CHST15: variants seen among roughly 807,000 people sequenced by gnomAD.
CHST15 encodes the protein carbohydrate sulfotransferase 15.
CHST15 carries 30 observed loss-of-function variants against 53.6 expected under a neutral mutation model. The observed-to-expected ratio is 0.56, with a 90% CI of 0.42 to 0.76. The LOEUF (loss-of-function observed/expected upper bound fraction) is 0.76, where lower values mean the gene tolerates loss of function less well. Ranked by LOEUF, CHST15 falls within the 30% of genes least tolerant of loss-of-function variation. CHST15 has a pLI of 0.00. For missense variants in CHST15, 627 were observed against 740.5 expected, an observed-to-expected ratio of 0.85 and a Z score of 1.78; for synonymous variants, 296 against 289.8, an observed-to-expected ratio of 1.02 and a Z score of -0.22.
At chr10:124,089,192 G>C (rs770062286) in intron 1 of CHST15, among the ~76,000 whole-genome samples, 2 of 152,146 alleles carry the variant, frequency 1.3e-5, no homozygotes, top group Non-Finnish European at 2.9e-5. Context: ...GGGAGGCTGC[G>C]TGATTCTCAC....
intron 5 of CHST15, among the ~76,000 whole-genome samples, chr10:124,022,655 T>C (rs1346919047): frequency 1.3e-5 from 2 of 152,090 alleles, no homozygotes; most frequent in Admixed American, 1.3e-4. Flanking sequence ...ATCAGGTTCC[T>C]AGTCCACCAC....
At chr10:124,030,032 G>A (rs1475532032) in intron 5 of CHST15, among the ~76,000 whole-genome samples, 2 of 152,200 alleles carry the variant, frequency 1.3e-5, no homozygotes, top group African/African-American at 4.8e-5. Context: ...GAATACACAG[G>A]ACTGCCAAGG....
intron 1 of CHST15, among the ~76,000 whole-genome samples, chr10:124,087,781 G>A (rs568043320): frequency 1.4e-4 from 20 of 141,358 alleles, no homozygotes; most frequent in Non-Finnish European, 2.6e-4. Flanking sequence ...ATTCACAAGC[G>A]AGCTACACCA....
intron 7 of CHST15, chr10:124,011,103 T>C (rs965775017): frequency 2.0e-6 from 2 of 982,626 alleles, no homozygotes; most frequent in African/African-American, 3.5e-5. Flanking sequence ...CGCCCCGCCC[T>C]CTGGAGTGAG....
At chr10:124,070,556 A>G (rs551322952) in intron 1 of CHST15, among the ~76,000 whole-genome samples, 6 of 151,858 alleles carry the variant, frequency 4.0e-5, no homozygotes, top group African/African-American at 1.4e-4. Context: ...TTTTTTTTTT[A>G]AATAGAAACG....
Position 124,019,857 on chromosome 10 carries a change from C to T in CHST15, c.1347+1399G>A, listed in dbSNP as rs1054006129. The T allele has an allele frequency of 9.1e-6, 9 of 985,888 alleles. No individual in the cohort carries two copies. In the African/African-American group the frequency reaches 1.4e-4, roughly 15 times the overall value. 61.1% of individuals were successfully genotyped at this position (985,888 alleles called of 1,614,324 possible). ...GCACCCAAGCCCCCTGCCTCAGTGC[C>T]CCCCATCTCCCACACCAGGCGGCTG... On this transcript the variant is annotated intron_variant, in intron 6 of 7. Coordinates refer to ENST00000435907, the MANE Select transcript of CHST15 (RefSeq NM_001270764.2). This position sits in a 1 kb window ranked among gnomAD's most constrained non-coding sequence, Gnocchi z 4.6.
At chr10:124,076,710 AT>A (rs11318249) in intron 1 of CHST15, among the ~76,000 whole-genome samples, 49,688 of 137,500 alleles carry the variant, frequency 0.36, 8,442 homozygotes, top group African/African-American at 0.51. Context: ...TAAATTCTTA[AT>A]TTTTTTTTTT....
intron 1 of CHST15, among the ~76,000 whole-genome samples, chr10:124,058,391 T>A (rs1361581235): frequency 6.6e-6 from 1 of 152,308 alleles, no homozygotes; most frequent in East Asian, 1.9e-4. Flanking sequence ...CTCTCTGAGG[T>A]CAGCACTGAG....
At position 124,042,295 on chromosome 10, in the gene CHST15, C is replaced by G. The variant is rs1016295713; in HGVS notation, c.1033+6G>C. The G allele has an allele frequency of 1.9e-6, 3 of 1,606,478 alleles. No homozygotes were observed. The highest frequency in any genetic ancestry group is 3.3e-5 in the Admixed American group (2 of 59,868). On this transcript the variant is annotated splice_donor_region_variant and intron_variant, in intron 4 of 7. Coordinates refer to ENST00000435907, the MANE Select transcript of CHST15 (RefSeq NM_001270764.2). ...TAGCCCTGCCAGAGTGACACAGACG[C>G]CTTACCGATAATGATTGTATTCATC...
rs1947389069 is a variant in CHST15, at chr10:124,034,861, C to A, written c.1190+3654G>T. Reference sequence around the variant, plus strand: ...CCCTGGTTCTACCCCTAACAGGGACCCTGGCTCTACTCCCTAACAGGGACC... The same window carrying A: ...CCCTGGTTCTACCCCTAACAGGGACACTGGCTCTACTCCCTAACAGGGACC... On this transcript the variant is annotated intron_variant, in intron 5 of 7. Coordinates refer to ENST00000435907, the MANE Select transcript of CHST15 (RefSeq NM_001270764.2). Among the ~76,000 whole-genome samples, 4 of 145,864 alleles carry A rather than the reference C, an allele frequency of 2.7e-5. No homozygotes were observed. The South Asian group carries it at 6.5e-4, about 24-fold the overall frequency.
intron 1 of CHST15, among the ~76,000 whole-genome samples, chr10:124,092,765 G>A (rs968272190): frequency 7.2e-5 from 11 of 152,352 alleles, no homozygotes; most frequent in Admixed American, 6.5e-4. Context: ...TGTGGGGGCG[G>A]AGCGCAAGGC....
At chr10:124,048,955 G>A (rs114157510) in intron 1 of CHST15, among the ~76,000 whole-genome samples, 3,614 of 152,204 alleles carry the variant, frequency 0.024, 133 homozygotes, top group African/African-American at 0.081. Flanking sequence ...TGCCCGGACC[G>A]GGTCCACAGA....
intron 5 of CHST15, among the ~76,000 whole-genome samples, chr10:124,037,597 C>T (rs1272757466): frequency 6.6e-6 from 1 of 152,180 alleles, no homozygotes; most frequent in African/African-American, 2.4e-5. Flanking sequence ...TTTTCAGGTC[C>T]TGGCAGCCCT....
intron 6 of CHST15, chr10:124,020,992 C>CA: frequency 7.1e-7 from 1 of 1,417,280 alleles, no homozygotes; most frequent in South Asian, 1.6e-5. Flanking sequence ...GGTAATCTTC[C>CA]TAAAGGCACC....
chr10:124,017,709 G>A (rs1946633745), intron 6 of CHST15, among the ~76,000 whole-genome samples: 1 of 152,202 alleles, frequency 6.6e-6, no homozygotes, highest in Non-Finnish European at 1.5e-5. Context: ...GCCTAGATTT[G>A]GGTCCTAGAT....
intron 5 of CHST15, among the ~76,000 whole-genome samples, chr10:124,037,707 A>G (rs1947556234): frequency 6.6e-6 from 1 of 152,146 alleles, no homozygotes; most frequent in African/African-American, 2.4e-5. Context: ...CCCTGGCCTC[A>G]CCCACACTGG....
rs2134174981 is a variant in CHST15 at position 124,074,226 on chromosome 10, G to A, written c.-513+19243C>T. On this transcript the variant is annotated intron_variant, in intron 1 of 7. Transcript: ENST00000435907. The surrounding 1 kb of genome is among the most constrained non-coding windows in gnomAD (Gnocchi z 4.4). ...TGCAGGGCCAGTGCCCCCCGGCTGG[G>A]AAAGACACCGAACCCTTGCACTGAT... Among the ~76,000 whole-genome samples the A allele has an allele frequency of 6.6e-6, 1 of 152,310 alleles. No homozygotes were observed. Among genetic ancestry groups the A allele is most frequent in the South Asian group, 2.1e-4 (1 of 4,816 alleles).
intron 5 of CHST15, among the ~76,000 whole-genome samples, chr10:124,033,767 T>C (rs1947314562): frequency 6.6e-6 from 1 of 152,100 alleles, no homozygotes; most frequent in South Asian, 2.1e-4. Flanking sequence ...CCCACAACCA[T>C]GTGCGCTTGG....
intron 1 of CHST15, among the ~76,000 whole-genome samples, chr10:124,092,966 C>G (rs998229212): frequency 2.6e-5 from 4 of 152,232 alleles, no homozygotes; most frequent in Admixed American, 2.0e-4. Context: ...CGCCCCCCGC[C>G]GGCCTCCGGC....
Sources: gnomAD v4.1 joint callset for allele counts (sites outside exome capture counted in the v4.1 genomes callset) on GRCh38, gnomAD v4.1.1 for gene constraint, Gnocchi (gnomAD v3.1) non-coding constraint, MANE v1.5 for transcripts, NCBI Gene and HGNC (gene_info 2026-07-23, HGNC 2026-07-21) for gene names.